The following TPD52L1 variants were observed in gnomAD, a reference collection of about 807,000 sequenced individuals.
TPD52L1 encodes tumor protein D53.
TPD52L1 carries 18 observed loss-of-function variants against 28.7 expected under a neutral mutation model. The ratio of observed to expected loss-of-function variants is 0.63; its 90% confidence interval spans 0.43 to 0.93. TPD52L1 has a LOEUF of 0.93. Ranked by LOEUF, TPD52L1 falls within the 40% of genes least tolerant of loss-of-function variation. TPD52L1 has a pLI of 0.00. For missense variants in TPD52L1, 203 were observed against 254.8 expected (o/e 0.80, Z 1.39); for synonymous variants, 75 against 88.8 (o/e 0.84, Z 0.88).
intron 1 of TPD52L1, among the ~76,000 whole-genome samples, chr6:125,163,738 C>G (rs1790682141): frequency 1.3e-5 from 2 of 151,230 alleles, no homozygotes; most frequent in Admixed American, 6.6e-5. Flanking sequence ...CCAGCCTGAT[C>G]AACATCGTGA....
chr6:125,225,332 G>A (rs1283675832), intron 2 of TPD52L1, among the ~76,000 whole-genome samples: 1 of 152,168 alleles, frequency 6.6e-6, no homozygotes, highest in African/African-American at 2.4e-5. Context: ...ATTTGTTTGA[G>A]TACCAGTTCT....
chr6:125,217,969 G>A (rs1161138142), intron 1 of TPD52L1, among the ~76,000 whole-genome samples: 1 of 152,132 alleles, frequency 6.6e-6, no homozygotes, highest in Non-Finnish European at 1.5e-5. Flanking sequence ...ATGCACCACA[G>A]TATGCTTATG....
At chr6:125,254,301 T>C (rs559411282) in intron 5 of TPD52L1, among the ~76,000 whole-genome samples, 2 of 152,350 alleles carry the variant, frequency 1.3e-5, no homozygotes, top group African/African-American at 4.8e-5. Context: ...AAGACATTCT[T>C]AACTTCAAGT....
intron 1 of TPD52L1, among the ~76,000 whole-genome samples, chr6:125,176,890 T>C (rs1482689725): frequency 6.6e-6 from 1 of 151,770 alleles, no homozygotes; most frequent in Non-Finnish European, 1.5e-5. Context: ...ATAAAAAAAT[T>C]AGCTGGGTGT....
At position 125,230,036 on chromosome 6, in the gene TPD52L1, G is replaced by A. The variant is rs547292789; in HGVS notation, c.284+770G>A. Among the ~76,000 whole-genome samples the A allele has an allele frequency of 1.2e-4, 18 of 152,154 alleles. No homozygotes were observed. The South Asian group carries it at 2.5e-3, about 21-fold the overall frequency. ...CAGGAGGCAGAGGTTGCAATGAGTC[G>A]AGATGGCGCCACTCCACTCCAGCCT... On this transcript the variant is annotated intron_variant, in intron 3 of 6. Transcript: ENST00000534000.
intron 3 of TPD52L1, among the ~76,000 whole-genome samples, chr6:125,244,322 T>C (rs1796793606): frequency 6.6e-6 from 1 of 152,194 alleles, no homozygotes; most frequent in Admixed American, 6.5e-5. Flanking sequence ...TGGTTGTGGC[T>C]AAGGCAGGTG....
chr6:125,240,183 G>C (rs557096680), intron 3 of TPD52L1, among the ~76,000 whole-genome samples: 1 of 151,996 alleles, frequency 6.6e-6, no homozygotes, highest in Non-Finnish European at 1.5e-5. Flanking sequence ...ATTGTTCTAC[G>C]TGCCTATTTT....
intron 6 of TPD52L1, chr6:125,260,926 A>AAGAAAG (rs1164108829): frequency 7.0e-5 from 1 of 14,230 alleles, no homozygotes. Flanking sequence ...AGAAAGAAGA[A>AAGAAAG]AGAAAGAAAG....
chr6:125,203,002 G>A (rs1459918232), intron 1 of TPD52L1, among the ~76,000 whole-genome samples: 1 of 151,956 alleles, frequency 6.6e-6, no homozygotes, highest in East Asian at 1.9e-4. Context: ...CTGACCTCAG[G>A]TGATCCACCC....
intron 1 of TPD52L1, among the ~76,000 whole-genome samples, chr6:125,156,628 G>T (rs1028906731): frequency 1.3e-5 from 2 of 151,944 alleles, no homozygotes; most frequent in Non-Finnish European, 1.5e-5. Flanking sequence ...AAATTAGCTG[G>T]GTGTGGTGGT....
At chr6:125,233,795 A>G (rs976340910) in intron 3 of TPD52L1, among the ~76,000 whole-genome samples, 4 of 152,208 alleles carry the variant, frequency 2.6e-5, no homozygotes, top group African/African-American at 7.2e-5. Context: ...AGTCAAAACA[A>G]TTTAGAAAAC....
chr6:125,249,691 C>CA (rs11431442), intron 4 of TPD52L1, among the ~76,000 whole-genome samples: 22,968 of 74,584 alleles, frequency 0.31, 2,935 homozygotes, highest in African/African-American at 0.42. Flanking sequence ...GACTCTGTCT[C>CA]AAAAAAAAAA....
At chr6:125,156,480 A>AAAAAAAAAAAAAAAAAAAAAAC in intron 1 of TPD52L1, among the ~76,000 whole-genome samples, 1 of 96,148 alleles carries the variant, frequency 1.0e-5, no homozygotes, top group Admixed American at 1.0e-4. Flanking sequence ...AAAAAAAAAA[A>AAAAAAAAAAAAAAAAAAAAAAC]GAGAGAGATA....
At chr6:125,241,144 G>A (rs928811744) in intron 3 of TPD52L1, among the ~76,000 whole-genome samples, 4 of 152,100 alleles carry the variant, frequency 2.6e-5, no homozygotes, top group Non-Finnish European at 4.4e-5. Flanking sequence ...ACTTGCATAT[G>A]TTAAAGCATC....
At chr6:125,217,676 T>A (rs756630223) in intron 1 of TPD52L1, among the ~76,000 whole-genome samples, 4 of 152,038 alleles carry the variant, frequency 2.6e-5, no homozygotes, top group Non-Finnish European at 5.9e-5. Context: ...GGCGCGGGAG[T>A]TGGGGACCTC....
At chr6:125,245,116 G>A (rs1203766355) in intron 3 of TPD52L1, among the ~76,000 whole-genome samples, 2 of 152,206 alleles carry the variant, frequency 1.3e-5, no homozygotes, top group Non-Finnish European at 2.9e-5. Flanking sequence ...TACTTGCTCT[G>A]GTGGAGGTGG....
rs996408452 is a variant in TPD52L1, at chr6:125,261,198, A to G, written c.487-1636A>G. 7 of 152,172 alleles carry G rather than the reference A, an allele frequency of 4.6e-5. No homozygotes were observed. The East Asian group carries it at 1.4e-3, about 30-fold the overall frequency. The allele number at this position is 152,172 out of a possible 1,614,324, so 9.4% of individuals were successfully genotyped here. ...ATTTACTGTCTGGCCCTTTACAGGTAGAGTTTTCTGACACCAAGCAGAGTA... is the reference window on the plus strand; with the variant it reads ...ATTTACTGTCTGGCCCTTTACAGGTGGAGTTTTCTGACACCAAGCAGAGTA... On this transcript the variant is annotated intron_variant, in intron 6 of 6. Transcript: ENST00000534000.
In TPD52L1 at chr6:125,231,649, A is replaced by G. The variant is rs9372809; in HGVS notation, c.284+2383A>G. Among the ~76,000 whole-genome samples the G allele has an allele frequency of 3.9e-5, 6 of 152,058 alleles. No individual in the cohort carries two copies. The East Asian group carries it at 7.8e-4, about 20-fold the overall frequency. ...GTTGTTGTTGTTTGTTTGTTTGTTT[A>G]TACGACAAAATCATGGACAAGGGGG... On this transcript the variant is annotated intron_variant, in intron 3 of 6. Transcript: ENST00000534000.
intron 1 of TPD52L1, among the ~76,000 whole-genome samples, chr6:125,183,333 G>A (rs997298183): frequency 3.2e-4 from 49 of 152,160 alleles, no homozygotes; most frequent in African/African-American, 1.1e-3. Flanking sequence ...CAAAAGATCA[G>A]CTGGACATAG....
Sources: allele counts gnomAD v4.1 joint callset (sites outside exome capture counted in the v4.1 genomes callset), GRCh38; gene constraint gnomAD v4.1.1; transcripts MANE v1.5; gene names NCBI Gene and HGNC (gene_info 2026-07-23, HGNC 2026-07-21).